NCF1: variants seen among roughly 807,000 people sequenced by gnomAD.
NCF1 encodes neutrophil cytosol factor 1.
In NCF1, 8 loss-of-function variants were observed where a neutral mutation model predicts 34.9. The ratio of observed to expected loss-of-function variants is 0.23; its 90% CI spans 0.13 to 0.41. NCF1 has a LOEUF of 0.41. Ranked by LOEUF, NCF1 falls within the 10% of genes least tolerant of loss-of-function variation. NCF1 has a pLI of 1.00. For missense variants in NCF1, 122 were observed against 362.4 expected, an observed-to-expected ratio of 0.34 and a Z score of 5.39; for synonymous variants, 57 against 146.3, an observed-to-expected ratio of 0.39 and a Z score of 4.41.
chr7:74,775,582 CA>C (rs1554412887), intron 1 of NCF1, among the ~76,000 whole-genome samples: 1 of 30,092 alleles, frequency 3.3e-5, no homozygotes, highest in African/African-American at 1.4e-4. Flanking sequence ...TTAACATGGA[CA>C]AAACACCATT....
intron 10 of NCF1, 91 bp downstream of exon 10, chr7:74,788,795 G>A (rs1397636537): frequency 9.1e-5 from 133 of 1,454,746 alleles, no homozygotes; most frequent in Admixed American, 1.2e-4. Context: ...GAGTAGCGGG[G>A]CGGGACCAGA....
intron 2 of NCF1, 142 bp downstream of exon 2, chr7:74,777,489 A>G (rs587763288): frequency 2.4e-4 from 209 of 856,424 alleles, no homozygotes; most frequent in Non-Finnish European, 3.5e-4. Context: ...ATTTATTTAT[A>G]TAAATTTTTG....
rs372176579 is a variant in NCF1 at position 74,783,037 on chromosome 7, G to A, written c.550G>A (p.Glu184Lys). Residue 184 changes from glutamate to lysine, a missense_variant, in exon 6 of 11, where the codon GAG becomes AAG. By Grantham distance (56) the Glu-to-Lys change is moderately conservative. This residue lies in a region of NCF1 where 57 missense variants were observed against 89.3 expected (regional missense o/e 0.64). Transcript: ENST00000289473. Reference sequence around the variant, plus strand: ...GGCTCTGTCCACGGGGGACGTGGTGGAGGTCGTAGAGAAGAGCGAGAGCGG... The same window carrying A: ...GGCTCTGTCCACGGGGGACGTGGTGAAGGTCGTAGAGAAGAGCGAGAGCGG... ...EMALSTGDVV[E>K]VVEKSESGWW... 4 of 1,611,494 alleles carry A rather than the reference G, an allele frequency of 2.5e-6. No individual in the cohort carries two copies. The highest frequency in any genetic ancestry group is 2.5e-6 in the Non-Finnish European group (3 of 1,179,706).
intron 9 of NCF1, 78 bp from the exon 10 acceptor site, chr7:74,788,481 G>T: frequency 7.3e-7 from 1 of 1,372,498 alleles, no homozygotes; most frequent in East Asian, 2.6e-5. Context: ...CCACTTCCTC[G>T]GACCAGGGGT....
intron 10 of NCF1, 138 bp downstream of exon 10, chr7:74,788,842 G>A: frequency 1.5e-6 from 2 of 1,347,208 alleles, no homozygotes; most frequent in South Asian, 1.3e-5. Context: ...ACTGGAGGCG[G>A]GGTCAGAGGA....
intron 6 of NCF1, 72 bp downstream of exon 6, chr7:74,783,133 G>A: frequency 6.3e-7 from 1 of 1,579,198 alleles, no homozygotes; most frequent in South Asian, 1.1e-5. Context: ...CCCCTGCCAA[G>A]GCTCAGGCAG....
Position 74,788,653 on chromosome 7 carries a change from C to G in NCF1, c.1000C>G (p.Gln334Glu). The G allele has an allele frequency of 6.5e-7, 1 of 1,550,150 alleles. No homozygotes were observed. The highest frequency in any genetic ancestry group is 8.7e-7 in the Non-Finnish European group (1 of 1,152,266). Residue 334 changes from glutamine to glutamate, a missense_variant, in exon 10 of 11, where the codon CAG (glutamine) becomes GAG (glutamate). Transcript: ENST00000289473. ...CCGCAACAGCGTCCGTTTTCTGCAG[C>G]AGCGACGCCGCCAGGCGCGGCCGGG... Reference protein sequence around the residue: ...YRRNSVRFLQQRRRQARPGPQ... With the variant: ...YRRNSVRFLQERRRQARPGPQ...
At chr7:74,782,069 A>G (rs1430664650) in intron 5 of NCF1, among the ~76,000 whole-genome samples, 1 of 123,006 alleles carries the variant, frequency 8.1e-6, no homozygotes, top group Admixed American at 9.1e-5. Context: ...TCAGAAATGC[A>G]CACTCAGGTC....
rs376919169 is a variant in NCF1, at chr7:74,783,601, C to T, written c.651C>T (p.Asp217=). ...TCCTCGAGCCCCTGGACAGTCCTGA[C>T]GAGACGGAAGACCCTGAGCCCAACT... ...ASFLEPLDSP[D]ETEDPEPNYA... Residue 217 remains aspartate, a synonymous_variant, in exon 7 of 11, where the codon GAC becomes GAT. Transcript: ENST00000289473. The T allele has an allele frequency of 3.0e-5, 48 of 1,611,634 alleles. No individual in the cohort carries two copies. In the Middle Eastern group the frequency reaches 1.6e-3, roughly 53 times the overall value.
chr7:74,786,554 T>C (rs1796677942), intron 8 of NCF1, among the ~76,000 whole-genome samples: 2 of 152,128 alleles, frequency 1.3e-5, no homozygotes, highest in Non-Finnish European at 2.9e-5. Context: ...ATCTGGCTAA[T>C]GTTTTTTAAT....
intron 5 of NCF1, among the ~76,000 whole-genome samples, chr7:74,781,286 G>A (rs1270720094): frequency 7.1e-5 from 4 of 56,184 alleles, no homozygotes; most frequent in African/African-American, 3.0e-4. Flanking sequence ...GTCTTTGGAA[G>A]GTCCCTGGAG....
chr7:74,785,775 C>T (rs1452303670), intron 8 of NCF1, among the ~76,000 whole-genome samples: 8 of 151,004 alleles, frequency 5.3e-5, no homozygotes, highest in African/African-American at 1.2e-4. Flanking sequence ...CCCAGCTACT[C>T]GGGAGTCTGA....
intron 8 of NCF1, among the ~76,000 whole-genome samples, chr7:74,787,560 C>T (rs1796696206): frequency 6.6e-6 from 1 of 152,108 alleles, no homozygotes; most frequent in African/African-American, 2.4e-5. Flanking sequence ...CAAATATAAT[C>T]CGCCAATGTC....
intron 1 of NCF1, among the ~76,000 whole-genome samples, chr7:74,775,818 C>T (rs1393843685): frequency 6.8e-6 from 1 of 146,584 alleles, no homozygotes; most frequent in Non-Finnish European, 1.5e-5. Flanking sequence ...ATTGCAACCT[C>T]TGCCTCCTGG....
At chr7:74,780,712 G>A in intron 4 of NCF1, 68 bp from the exon 5 acceptor site, 1 of 5,160 alleles carries the variant, frequency 1.9e-4, no homozygotes, top group African/African-American at 0.036. Context: ...TTCTTCTGCA[G>A]GTCTACCCAG....
chr7:74,777,152 A>G (rs1554413091), intron 1 of NCF1, 115 bp from the exon 2 acceptor site: 4 of 874,666 alleles, frequency 4.6e-6, no homozygotes, highest in South Asian at 4.2e-5. Flanking sequence ...AACCGCAAAG[A>G]TGGTCCTCAC....
intron 8 of NCF1, 32 bp downstream of exon 8, chr7:74,785,331 ATC>A (rs1554414417): frequency 2.2e-6 from 1 of 455,184 alleles, no homozygotes; most frequent in African/African-American, 2.2e-5. Flanking sequence ...CAGAGCACCC[ATC>A]TGAGTCAGCC....
rs1166386890 is a variant in NCF1, at chr7:74,783,080, CG to C, written c.574+23del. On this transcript the variant is annotated intron_variant, in intron 6 of 10. Coordinates refer to ENST00000289473, the MANE Select transcript of NCF1 (RefSeq NM_000265.7). ...GAGAGCGGTCAGACCTCCCACCTTACGGGGCTCCTTCCCCTGGTGCTCAGGA... is the reference window on the plus strand; with the variant it reads ...GAGAGCGGTCAGACCTCCCACCTTACGGGCTCCTTCCCCTGGTGCTCAGGA... The C allele has an allele frequency of 1.2e-6, 2 of 1,609,126 alleles. No homozygotes were observed. The highest frequency in any genetic ancestry group is 2.7e-5 in the African/African-American group (2 of 74,658).
intron 8 of NCF1, chr7:74,785,669 G>T: frequency 2.9e-6 from 1 of 346,938 alleles, no homozygotes; most frequent in South Asian, 2.2e-5. Flanking sequence ...GATCATGTGA[G>T]GTCAGGAGTT....
Sources: allele counts gnomAD v4.1 joint callset (sites outside exome capture counted in the v4.1 genomes callset), GRCh38; gene constraint gnomAD v4.1.1; regional missense constraint gnomAD v4.1.1; transcripts MANE v1.5; gene names NCBI Gene and HGNC (gene_info 2026-07-23, HGNC 2026-07-21).